The following ACMSD variants were observed in gnomAD, a reference collection of about 807,000 sequenced individuals.
ACMSD encodes the protein aminocarboxymuconate semialdehyde decarboxylase.
A neutral mutation model predicts 45.9 loss-of-function variants in ACMSD; 37 were observed. That is an observed-to-expected ratio of 0.81 (90% CI 0.62 to 1.06). The LOEUF (loss-of-function observed/expected upper bound fraction) is 1.06, where lower values mean the gene tolerates loss of function less well. Among genes scored for constraint, ACMSD ranks in the 50% least tolerant of loss-of-function variants. The probability of loss-of-function intolerance (pLI) is 0.00; values close to 1 mark genes in which losing one functional copy is unlikely to be tolerated. For missense variants in ACMSD, 434 were observed against 420.9 expected, an observed-to-expected ratio of 1.03 and a Z score of -0.27; for synonymous variants, 138 against 148.8, an observed-to-expected ratio of 0.93 and a Z score of 0.53.
chr2:134,900,647 T>A (rs1264413358), intron 9 of ACMSD, among the ~76,000 whole-genome samples: 1 of 152,122 alleles, frequency 6.6e-6, no homozygotes. Flanking sequence ...AAAGGAAAAG[T>A]AATTTGTGCA....
At chr2:134,899,759 TTAAA>T (rs1170374726) in intron 9 of ACMSD, among the ~76,000 whole-genome samples, 1 of 152,130 alleles carries the variant, frequency 6.6e-6, no homozygotes, top group Non-Finnish European at 1.5e-5. Flanking sequence ...AGGGGAATAG[TTAAA>T]TAAATCATAA....
intron 2 of ACMSD, among the ~76,000 whole-genome samples, chr2:134,855,626 G>C (rs1361029107): frequency 6.6e-6 from 1 of 152,202 alleles, no homozygotes; most frequent in African/African-American, 2.4e-5. Flanking sequence ...ATCAATCTTG[G>C]TGTCCTGATG....
intron 2 of ACMSD, among the ~76,000 whole-genome samples, chr2:134,847,982 G>T (rs1687160184): frequency 6.6e-6 from 1 of 152,052 alleles, no homozygotes. Flanking sequence ...CTCCTGAGTA[G>T]CTGGAATTAC....
At chr2:134,878,243 C>A (rs1688857780) in intron 8 of ACMSD, among the ~76,000 whole-genome samples, 1 of 152,212 alleles carries the variant, frequency 6.6e-6, no homozygotes, top group African/African-American at 2.4e-5. Flanking sequence ...TAGCCACTAG[C>A]AAGTCTGAAA....
intron 8 of ACMSD, among the ~76,000 whole-genome samples, chr2:134,885,341 TTATATATA>T: frequency 9.8e-6 from 1 of 102,482 alleles, no homozygotes; most frequent in African/African-American, 4.1e-5. Flanking sequence ...AAATATATAT[TTATATATA>T]ATATATATTT....
intron 2 of ACMSD, among the ~76,000 whole-genome samples, chr2:134,852,877 A>C (rs1687407593): frequency 6.6e-6 from 1 of 151,926 alleles, no homozygotes; most frequent in South Asian, 2.1e-4. Context: ...TTAAAAATAC[A>C]TTTCTGGCTG....
rs754737364 is a variant in ACMSD at position 134,889,403 on chromosome 2, C to G, written c.850-8938C>G. ...CTTGGAGAAAAGGCTGTTTCCAAGA[C>G]AGAGAAAGTATAAAGTGAGCTAGAA... On this transcript the variant is annotated intron_variant, in intron 8 of 9. Transcript: ENST00000356140. Among the ~76,000 whole-genome samples, 63 of 152,178 alleles carry G rather than the reference C, an allele frequency of 4.1e-4. 1 individual carries two copies. The highest frequency in any genetic ancestry group is 2.5e-3 in the South Asian group (12 of 4,822).
intron 1 of ACMSD, among the ~76,000 whole-genome samples, chr2:134,840,426 T>C (rs1476088842): frequency 6.6e-6 from 1 of 152,004 alleles, no homozygotes; most frequent in Non-Finnish European, 1.5e-5. Context: ...AGTCTGAATG[T>C]GTATGTCCCC....
chr2:134,890,477 ATCT>A (rs1357163219), intron 8 of ACMSD, among the ~76,000 whole-genome samples: 1 of 152,080 alleles, frequency 6.6e-6, no homozygotes, highest in Non-Finnish European at 1.5e-5. Context: ...CATCAATTAG[ATCT>A]TCGACTAAGA....
chr2:134,871,249 T>C (rs1300370397), intron 7 of ACMSD, among the ~76,000 whole-genome samples, 189 bp downstream of exon 7: 1 of 152,206 alleles, frequency 6.6e-6, no homozygotes, highest in African/African-American at 2.4e-5. Context: ...CTTCCTCACA[T>C]GGCCTTTGGT....
chr2:134,849,439 A>C (rs570070439), intron 2 of ACMSD, among the ~76,000 whole-genome samples: 55 of 152,348 alleles, frequency 3.6e-4, no homozygotes, highest in African/African-American at 1.3e-3. Flanking sequence ...ATGCAAATGT[A>C]AACAACATGC....
chr2:134,885,987 T>C (rs1291433575), intron 8 of ACMSD, among the ~76,000 whole-genome samples: 2 of 152,118 alleles, frequency 1.3e-5, no homozygotes, highest in African/African-American at 4.8e-5. Context: ...TATGCCATGC[T>C]TTACCTTCTA....
rs1686663155 is a variant in ACMSD at position 134,839,043 on chromosome 2, A to G, written c.57+304A>G. On this transcript the variant is annotated intron_variant, in intron 1 of 9. Transcript: ENST00000356140. Reference sequence around the variant, plus strand: ...TTACCTTTTCAAAAATCACATATTCAGCTGCTGGGAAGATACATGCCAACT... The same window carrying G: ...TTACCTTTTCAAAAATCACATATTCGGCTGCTGGGAAGATACATGCCAACT... Among the ~76,000 whole-genome samples, 3 of 152,190 alleles carry G rather than the reference A, an allele frequency of 2.0e-5. No homozygotes were observed. In the South Asian group the frequency reaches 6.2e-4, roughly 32 times the overall value.
chr2:134,896,628 G>A (rs1690166787), intron 8 of ACMSD, among the ~76,000 whole-genome samples: 1 of 152,154 alleles, frequency 6.6e-6, no homozygotes, highest in South Asian at 2.1e-4. Flanking sequence ...TACTGAGATG[G>A]CCATAATCAA....
intron 2 of ACMSD, among the ~76,000 whole-genome samples, chr2:134,852,175 C>T (rs533225165): frequency 6.6e-5 from 10 of 152,242 alleles, no homozygotes; most frequent in African/African-American, 2.2e-4. Flanking sequence ...TTAGATCATG[C>T]GGGGTCTTAC....
chr2:134,872,542 C>A lies in ACMSD; in HGVS notation c.750C>A (p.Asp250Glu), dbSNP rs139962846. ...TGCGCCCAGATCTGTGTGCCCAGGACAACCCCATGAACCCGAAGAAATACC... is the reference window on the plus strand; with the variant it reads ...TGCGCCCAGATCTGTGTGCCCAGGAAAACCCCATGAACCCGAAGAAATACC... Reference protein sequence around the residue: ...FSMRPDLCAQDNPMNPKKYLG... With the variant: ...FSMRPDLCAQENPMNPKKYLG... Residue 250 changes from aspartate to glutamate, a missense_variant, in exon 8 of 10, where the codon GAC becomes GAA. Transcript: ENST00000356140. 2.6e-5 allele frequency: 42 copies of A among 1,614,042 alleles called. No homozygotes were observed. Among genetic ancestry groups the A allele is most frequent in the African/African-American group, 1.1e-4 (8 of 74,914 alleles).
In ACMSD at chr2:134,899,053, T is replaced by G. The variant is rs188479534; in HGVS notation, c.948+614T>G. Among the ~76,000 whole-genome samples, 391 of 152,172 alleles carry G rather than the reference T, an allele frequency of 2.6e-3. 3 individuals are homozygous for G. Among genetic ancestry groups the G allele is most frequent in the Middle Eastern group, 0.01 (3 of 294 alleles). ...ACCCCCATCCTCCAAAAAAATAAGT[T>G]CTTCCTAAGACCTTCACTGCCCATC... On this transcript the variant is annotated intron_variant, in intron 9 of 9. Transcript: ENST00000356140.
At chr2:134,839,205 A>G (rs1056133932) in intron 1 of ACMSD, among the ~76,000 whole-genome samples, 8 of 152,168 alleles carry the variant, frequency 5.3e-5, no homozygotes, top group African/African-American at 1.9e-4. Context: ...AGCTTTGTGA[A>G]TTTTTTTAGT....
intron 8 of ACMSD, among the ~76,000 whole-genome samples, chr2:134,880,068 G>A (rs1029893078): frequency 1.3e-5 from 2 of 152,156 alleles, no homozygotes; most frequent in African/African-American, 4.8e-5. Context: ...AAAAATGTCT[G>A]TATTCATCCT....
Sources: gnomAD v4.1 joint callset for allele counts (sites outside exome capture counted in the v4.1 genomes callset) on GRCh38, gnomAD v4.1.1 for gene constraint, MANE v1.5 for transcripts, NCBI Gene and HGNC (gene_info 2026-07-23, HGNC 2026-07-21) for gene names.